The following DEPDC1B variants were observed in gnomAD, a reference collection of about 807,000 sequenced individuals.
DEPDC1B encodes DEP domain containing 1B.
A neutral mutation model predicts 66.5 loss-of-function variants in DEPDC1B; 51 were observed. The ratio of observed to expected loss-of-function variants is 0.77; its 90% CI spans 0.61 to 0.97. The LOEUF (loss-of-function observed/expected upper bound fraction) is 0.97. Ranked by LOEUF, DEPDC1B falls within the 50% of genes least tolerant of loss-of-function variation. The pLI, the probability that DEPDC1B is intolerant of heterozygous loss-of-function variation, is 0.00. For missense variants in DEPDC1B, 552 were observed against 637.1 expected (o/e 0.87, Z 1.44); for synonymous variants, 226 against 223.6 (o/e 1.01, Z -0.10).
chr5:60,663,533 C>T (rs990693229), intron 2 of DEPDC1B, among the ~76,000 whole-genome samples: 1 of 152,184 alleles, frequency 6.6e-6, no homozygotes, highest in African/African-American at 2.4e-5. Context: ...CTTAAGGATA[C>T]CTTTTTCTGC....
intron 1 of DEPDC1B, among the ~76,000 whole-genome samples, chr5:60,699,681 G>A (rs1046188387): frequency 1.4e-4 from 22 of 152,294 alleles, no homozygotes; most frequent in African/African-American, 4.8e-4. Flanking sequence ...CGAACGCTGA[G>A]CGTTACGGGG....
At chr5:60,668,170 T>A (rs1404556086) in intron 2 of DEPDC1B, among the ~76,000 whole-genome samples, 6 of 24,522 alleles carry the variant, frequency 2.4e-4, no homozygotes, top group Admixed American at 6.0e-4. Context: ...TATATATATA[T>A]AAAATGGATA....
Position 60,667,356 on chromosome 5 carries a change from T to C in DEPDC1B, c.314+19606A>G, listed in dbSNP as rs533495907. 5.2e-4 allele frequency among the ~76,000 whole-genome samples: 79 copies of C among 151,422 alleles called. 1 individual carries two copies. The highest frequency in any genetic ancestry group is 8.3e-4 in the Non-Finnish European group (56 of 67,796). ...AGTGTAAATATCCAGAATACATATA[T>C]ATATAAAATGGATATTTTACATATA... On this transcript the variant is annotated intron_variant, in intron 2 of 10. Transcript: ENST00000265036.
At chr5:60,624,966 A>G (rs1752780868) in intron 7 of DEPDC1B, among the ~76,000 whole-genome samples, 2 of 150,796 alleles carry the variant, frequency 1.3e-5, no homozygotes, top group Admixed American at 1.3e-4. Context: ...TCATTGTTCA[A>G]CTGCCACTTA....
At chr5:60,617,388 A>C (rs560943546) in intron 7 of DEPDC1B, among the ~76,000 whole-genome samples, 33 of 152,278 alleles carry the variant, frequency 2.2e-4, no homozygotes, top group Middle Eastern at 3.4e-3. Flanking sequence ...GTATTCAGGA[A>C]ACCCATCTCA....
At chr5:60,662,741 C>A (rs1677692963) in intron 2 of DEPDC1B, among the ~76,000 whole-genome samples, 1 of 152,104 alleles carries the variant, frequency 6.6e-6, no homozygotes, top group African/African-American at 2.4e-5. Context: ...GACAAAAGTC[C>A]TCTGAGTCAG....
intron 8 of DEPDC1B, among the ~76,000 whole-genome samples, 162 bp from the exon 9 acceptor site, chr5:60,603,729 C>A (rs574435240): frequency 5.3e-5 from 8 of 151,792 alleles, no homozygotes; most frequent in Admixed American, 1.3e-4. Context: ...GTCTCAACAA[C>A]CAGAACAAAC....
rs1561385201 is a variant in DEPDC1B, at chr5:60,668,259, A to ATATATATATATATAAAATGGATATTT, written c.314+18702_314+18703insAAATATCCATTTTATATATATATATA. Among the ~76,000 whole-genome samples, 17 of 37,916 alleles carry ATATATATATATATAAAATGGATATTT rather than the reference A, an allele frequency of 4.5e-4. 8 individuals carry two copies. In the East Asian group the frequency reaches 0.013, roughly 29 times the overall value. 24.9% of individuals were successfully genotyped at this position (37,916 alleles called of 152,430 possible). ...TATATATATATATAAAATGGATATT[A>ATATATATATATATAAAATGGATATTT]TATATATATATATATATATGTATTT... is the stretch of plus-strand genomic sequence containing the variant. On this transcript the variant is annotated intron_variant, in intron 2 of 10. Transcript: ENST00000265036.
intron 9 of DEPDC1B, among the ~76,000 whole-genome samples, chr5:60,601,473 G>A (rs1163963921): frequency 1.3e-5 from 2 of 152,120 alleles, no homozygotes; most frequent in East Asian, 3.8e-4. Context: ...TCTAAATTTG[G>A]CAATATGCTA....
At chr5:60,659,438 C>T (rs1198918382) in intron 2 of DEPDC1B, among the ~76,000 whole-genome samples, 1 of 152,200 alleles carries the variant, frequency 6.6e-6, no homozygotes, top group East Asian at 1.9e-4. Context: ...ACTTAAGACT[C>T]AGGTGTGAGG....
intron 2 of DEPDC1B, among the ~76,000 whole-genome samples, chr5:60,678,507 T>G (rs1160661959): frequency 6.6e-6 from 1 of 152,212 alleles, no homozygotes; most frequent in East Asian, 1.9e-4. Flanking sequence ...ACTAACAATC[T>G]AGGTGTCCAA....
chr5:60,632,232 C>T (rs949646092), intron 7 of DEPDC1B, among the ~76,000 whole-genome samples: 5 of 152,186 alleles, frequency 3.3e-5, no homozygotes, highest in African/African-American at 1.2e-4. Flanking sequence ...CACACAGGGC[C>T]ACGGCGATGG....
At chr5:60,599,527 G>A (rs572132702) in intron 9 of DEPDC1B, among the ~76,000 whole-genome samples, 3 of 152,284 alleles carry the variant, frequency 2.0e-5, no homozygotes, top group African/African-American at 4.8e-5. Context: ...TTGTGCCCTC[G>A]TTGGGAACAG....
chr5:60,607,058 A>T (rs1752325724), intron 7 of DEPDC1B, among the ~76,000 whole-genome samples: 1 of 152,204 alleles, frequency 6.6e-6, no homozygotes, highest in African/African-American at 2.4e-5. Flanking sequence ...GAGCTTATGC[A>T]CTGTGAGGAG....
At chr5:60,623,453 G>A (rs1207385460) in intron 7 of DEPDC1B, among the ~76,000 whole-genome samples, 1 of 152,066 alleles carries the variant, frequency 6.6e-6, no homozygotes, top group East Asian at 1.9e-4. Flanking sequence ...AACAGGTAAT[G>A]TAAGTTCTCT....
chr5:60,691,156 C>T (rs1754535726), intron 1 of DEPDC1B, among the ~76,000 whole-genome samples: 2 of 151,666 alleles, frequency 1.3e-5, no homozygotes, highest in African/African-American at 2.4e-5. Context: ...CGGGTTCAAG[C>T]GATTCTCCTG....
At chr5:60,616,032 G>C (rs1000224463) in intron 7 of DEPDC1B, among the ~76,000 whole-genome samples, 1 of 152,122 alleles carries the variant, frequency 6.6e-6, no homozygotes. Flanking sequence ...AGGCAAACAG[G>C]GTCTGGAGTG....
Position 60,697,352 on chromosome 5 carries a change from A to C in DEPDC1B, c.48+2694T>G, listed in dbSNP as rs1754680423. ...GTAAAGTGAGCCATGAAAGGAGAAA[A>C]TAAAGGCCTAGTTTTTGTATCCCAA... On this transcript the variant is annotated intron_variant, in intron 1 of 10. Transcript: ENST00000265036. Among the ~76,000 whole-genome samples the C allele has an allele frequency of 2.6e-5, 4 of 152,168 alleles. No individual in the cohort carries two copies. The South Asian group carries it at 8.3e-4, about 32-fold the overall frequency.
chr5:60,665,151 C>A (rs1022771337), intron 2 of DEPDC1B, among the ~76,000 whole-genome samples: 1 of 152,162 alleles, frequency 6.6e-6, no homozygotes, highest in Non-Finnish European at 1.5e-5. Flanking sequence ...GAAAGGGGAA[C>A]CTCACGAGGA....
Sources: allele counts gnomAD v4.1 joint callset (sites outside exome capture counted in the v4.1 genomes callset), GRCh38; gene constraint gnomAD v4.1.1; transcripts MANE v1.5; gene names NCBI Gene and HGNC (gene_info 2026-07-23, HGNC 2026-07-21).